PTPRD: variants seen among roughly 807,000 people sequenced by gnomAD.
The protein encoded by PTPRD is protein tyrosine phosphatase receptor type D.
PTPRD carries 34 observed loss-of-function variants against 214.5 expected under a neutral mutation model. That is an observed-to-expected ratio of 0.16 (90% CI 0.12 to 0.21). The LOEUF (loss-of-function observed/expected upper bound fraction) is 0.21, where lower values mean the gene tolerates loss of function less well. Among genes scored for constraint, PTPRD ranks in the 10% least tolerant of loss-of-function variants. The probability of loss-of-function intolerance (pLI) is 1.00; values close to 1 mark genes in which losing one functional copy is unlikely to be tolerated. For synonymous variants in PTPRD, 1,128 were observed against 845.7 expected, an observed-to-expected ratio of 1.33 and a Z score of -5.79; for missense variants, 2,545 against 2,398.7, an observed-to-expected ratio of 1.06 and a Z score of -1.27.
At chr9:9,983,043 A>G (rs2095597645) in intron 4 of PTPRD, among the ~76,000 whole-genome samples, 1 of 136,708 alleles carries the variant, frequency 7.3e-6, no homozygotes, top group South Asian at 2.5e-4. Context: ...TAAATCAAAT[A>G]CTTAAATATG....
intron 12 of PTPRD, among the ~76,000 whole-genome samples, chr9:8,637,224 C>A (rs535379204): frequency 6.6e-6 from 1 of 152,274 alleles, no homozygotes; most frequent in East Asian, 1.9e-4. Context: ...TGCTTTGATG[C>A]CACTATCAGG....
At chr9:9,023,807 T>A (rs1008246980) in intron 10 of PTPRD, among the ~76,000 whole-genome samples, 3 of 152,044 alleles carry the variant, frequency 2.0e-5, no homozygotes, top group Non-Finnish European at 4.4e-5. Context: ...ACGGCCTCCA[T>A]CTCCATCCAT....
At chr9:8,515,020 T>C (rs551276971) in intron 21 of PTPRD, among the ~76,000 whole-genome samples, 41 of 152,354 alleles carry the variant, frequency 2.7e-4, no homozygotes, top group Non-Finnish European at 5.3e-4. Context: ...CTAAGTTTCC[T>C]GAACTCTCCC....
intron 11 of PTPRD, among the ~76,000 whole-genome samples, chr9:8,808,329 C>T (rs1015898262): frequency 7.2e-5 from 11 of 152,130 alleles, no homozygotes; most frequent in African/African-American, 2.2e-4. Flanking sequence ...GCAGACACTG[C>T]GTCAAGTCTT....
intron 43 of PTPRD, among the ~76,000 whole-genome samples, chr9:8,337,996 C>A (rs1362192341): frequency 6.6e-6 from 1 of 152,002 alleles, no homozygotes; most frequent in Non-Finnish European, 1.5e-5. Context: ...GGTCTGTCAC[C>A]TAGGCCAACC....
At chr9:10,570,176 T>C (rs557620408) in intron 2 of PTPRD, among the ~76,000 whole-genome samples, 2 of 152,328 alleles carry the variant, frequency 1.3e-5, no homozygotes, top group African/African-American at 2.4e-5. Flanking sequence ...CTGGACTTTA[T>C]GTAATCTGTT....
At chr9:10,547,008 C>A in intron 2 of PTPRD, among the ~76,000 whole-genome samples, 1 of 152,018 alleles carries the variant, frequency 6.6e-6, no homozygotes, top group East Asian at 1.9e-4. Context: ...AGGTCATCTG[C>A]TGTAGGGTTC....
At chr9:9,582,634 A>T (rs939399523) in intron 7 of PTPRD, among the ~76,000 whole-genome samples, 1 of 152,120 alleles carries the variant, frequency 6.6e-6, no homozygotes, top group Non-Finnish European at 1.5e-5. Context: ...ATGAAATTAT[A>T]TCTCAATAAA....
At chr9:8,934,315 C>G (rs1458141853) in intron 11 of PTPRD, among the ~76,000 whole-genome samples, 1 of 147,476 alleles carries the variant, frequency 6.8e-6, no homozygotes, top group East Asian at 2.0e-4. Context: ...CGAAATCAAG[C>G]CCTGCAGACA....
chr9:9,796,803 C>A (rs929865320), intron 5 of PTPRD, among the ~76,000 whole-genome samples: 3 of 152,074 alleles, frequency 2.0e-5, no homozygotes, highest in African/African-American at 7.2e-5. Flanking sequence ...TTTTGGGGTT[C>A]CTTTAAACCA....
At position 9,678,579 on chromosome 9, in the gene PTPRD, A is replaced by T. The variant is rs150762739; in HGVS notation, c.-287+55954T>A. ...AAGATATTTAATAAAAATTATAGTG[A>T]ACATCATTATTAATAGTGAACTATT... On this transcript the variant is annotated intron_variant, in intron 7 of 45. Transcript: ENST00000381196. Among the ~76,000 whole-genome samples, 85 of 152,034 alleles carry T rather than the reference A, an allele frequency of 5.6e-4. 2 individuals carry two copies. In the East Asian group the frequency reaches 0.016, roughly 28 times the overall value.
chr9:9,489,123 A>C (rs1295812427), intron 8 of PTPRD, among the ~76,000 whole-genome samples: 1 of 152,156 alleles, frequency 6.6e-6, no homozygotes, highest in African/African-American at 2.4e-5. Flanking sequence ...ATTCATAAAT[A>C]ATTGCATATA....
chr9:10,522,314 AGT>A, intron 2 of PTPRD, among the ~76,000 whole-genome samples: 1 of 152,164 alleles, frequency 6.6e-6, no homozygotes, highest in Non-Finnish European at 1.5e-5. Flanking sequence ...ACAGCCCTCA[AGT>A]GTGTGGTGTG....
chr9:8,739,446 C>T (rs935085519), intron 11 of PTPRD, among the ~76,000 whole-genome samples: 21 of 152,188 alleles, frequency 1.4e-4, no homozygotes, highest in African/African-American at 4.6e-4. Flanking sequence ...GCTAGTGCGA[C>T]TGAGGAAGTA....
rs186012583 is a variant in PTPRD at position 10,070,698 on chromosome 9, T to C, written c.-544-36908A>G. On this transcript the variant is annotated intron_variant, in intron 3 of 45. Coordinates refer to ENST00000381196, the MANE Select transcript of PTPRD (RefSeq NM_002839.4). ...TTTTGCTTAGGATTTTTCAAAAAATTATGCAGTCAGTCTTTACATCAATGT... is the reference window on the plus strand; with the variant it reads ...TTTTGCTTAGGATTTTTCAAAAAATCATGCAGTCAGTCTTTACATCAATGT... Among the ~76,000 whole-genome samples, 19 of 152,132 alleles carry C rather than the reference T, an allele frequency of 1.2e-4. No homozygotes were observed. In the East Asian group the frequency reaches 1.7e-3, roughly 14 times the overall value.
intron 6 of PTPRD, among the ~76,000 whole-genome samples, chr9:9,760,341 G>A (rs915374178): frequency 6.6e-6 from 1 of 151,966 alleles, no homozygotes; most frequent in Non-Finnish European, 1.5e-5. Flanking sequence ...CAAAGTCCAG[G>A]AAATAGAAGA....
At chr9:10,301,603 A>C (rs976617987) in intron 3 of PTPRD, among the ~76,000 whole-genome samples, 3 of 152,210 alleles carry the variant, frequency 2.0e-5, no homozygotes, top group African/African-American at 7.2e-5. Flanking sequence ...AAAACACAGC[A>C]CAAGAACTTT....
At chr9:8,358,552 T>A (rs914426597) in intron 39 of PTPRD, among the ~76,000 whole-genome samples, 1 of 152,184 alleles carries the variant, frequency 6.6e-6, no homozygotes, top group Non-Finnish European at 1.5e-5. Flanking sequence ...TTTTCTCACC[T>A]GTAAAATGTA....
chr9:10,254,118 T>A (rs1422776847), intron 3 of PTPRD, among the ~76,000 whole-genome samples: 1 of 152,214 alleles, frequency 6.6e-6, no homozygotes, highest in East Asian at 1.9e-4. Context: ...AGAGAACAAG[T>A]CAACTCATAA....
Sources: allele counts gnomAD v4.1 joint callset (sites outside exome capture counted in the v4.1 genomes callset), GRCh38; gene constraint gnomAD v4.1.1; transcripts MANE v1.5; gene names NCBI Gene and HGNC (gene_info 2026-07-23, HGNC 2026-07-21).